The following ARHGEF3 variants were observed in gnomAD, a reference collection of about 807,000 sequenced individuals.
ARHGEF3 encodes the protein 59.8 kDA protein.
ARHGEF3 carries 28 observed loss-of-function variants against 63.2 expected under a neutral mutation model. The ratio of observed to expected loss-of-function variants is 0.44; its 90% CI spans 0.33 to 0.61. The LOEUF is 0.61. Among genes scored for constraint, ARHGEF3 ranks in the 20% least tolerant of loss-of-function variants. The pLI is 0.03. For synonymous variants in ARHGEF3, 266 were observed against 254.2 expected, an observed-to-expected ratio of 1.05 and a Z score of -0.44; for missense variants, 533 against 659.3, an observed-to-expected ratio of 0.81 and a Z score of 2.10.
intron 4 of ARHGEF3, among the ~76,000 whole-genome samples, chr3:56,832,779 A>T (rs958326415): frequency 1.3e-5 from 2 of 152,172 alleles, no homozygotes; most frequent in South Asian, 2.1e-4. Context: ...CCCTCCCCTC[A>T]GTGCCTGACA....
chr3:56,900,686 A>G (rs2041474383), intron 3 of ARHGEF3, among the ~76,000 whole-genome samples: 1 of 152,126 alleles, frequency 6.6e-6, no homozygotes, highest in Non-Finnish European at 1.5e-5. Flanking sequence ...CCATTTATAC[A>G]TTTTCTCCAG....
At chr3:56,873,553 T>C (rs2040498483) in intron 4 of ARHGEF3, among the ~76,000 whole-genome samples, 1 of 152,154 alleles carries the variant, frequency 6.6e-6, no homozygotes, top group Non-Finnish European at 1.5e-5. Context: ...GCAAAGGACA[T>C]GATCTCATTC....
intron 4 of ARHGEF3, among the ~76,000 whole-genome samples, chr3:56,832,829 C>T (rs1258828208): frequency 1.3e-5 from 2 of 152,200 alleles, no homozygotes; most frequent in Non-Finnish European, 2.9e-5. Flanking sequence ...CTTGCCTTTG[C>T]ATTTGCATAT....
intron 2 of ARHGEF3, among the ~76,000 whole-genome samples, chr3:57,004,752 G>A (rs1162998187): frequency 6.6e-6 from 1 of 152,190 alleles, no homozygotes; most frequent in Non-Finnish European, 1.5e-5. Flanking sequence ...GATTGCTTGA[G>A]GCAAGGAGTT....
At chr3:57,014,525 TCA>T (rs1702890622) in intron 2 of ARHGEF3, among the ~76,000 whole-genome samples, 1 of 152,002 alleles carries the variant, frequency 6.6e-6, no homozygotes, top group South Asian at 2.1e-4. Context: ...AGGAAATTTC[TCA>T]CAATACTCAC....
rs201200049 is a variant in ARHGEF3 at position 57,058,208 on chromosome 3, G to C, written c.-28+21018C>G. Among the ~76,000 whole-genome samples the C allele has an allele frequency of 9.6e-3, 1,364 of 142,736 alleles. 21 individuals are homozygous for C. The highest frequency in any genetic ancestry group is 0.033 in the African/African-American group (1,291 of 38,662). 93.6% of individuals were successfully genotyped at this position (142,736 alleles called of 152,430 possible). A position where few individuals can be genotyped will look rare whatever the true frequency, so the allele number is the denominator to read the frequency against. On this transcript the variant is annotated intron_variant, in intron 1 of 12. Transcript: ENST00000338458. Reference sequence around the variant, plus strand: ...TTACACAGAAAAATAAGGAATGCCTGGAAATTAGTATTACCACTTGCTCCC... The same window carrying C: ...TTACACAGAAAAATAAGGAATGCCTCGAAATTAGTATTACCACTTGCTCCC...
intron 1 of ARHGEF3, among the ~76,000 whole-genome samples, chr3:56,794,768 T>C (rs1382112940): frequency 6.6e-6 from 1 of 152,240 alleles, no homozygotes; most frequent in Admixed American, 6.5e-5. Context: ...TCCAATACAA[T>C]GTAAGTGATA....
chr3:56,777,844 G>A (rs2036359450), intron 1 of ARHGEF3, among the ~76,000 whole-genome samples: 1 of 152,194 alleles, frequency 6.6e-6, no homozygotes, highest in Non-Finnish European at 1.5e-5. Flanking sequence ...GCATTGCAGG[G>A]CAGTGTGGCT....
intron 3 of ARHGEF3, chr3:56,941,035 A>T (rs1244802840): frequency 6.6e-6 from 1 of 152,276 alleles, no homozygotes; most frequent in Admixed American, 6.5e-5. Flanking sequence ...GACCAATAAA[A>T]CTGCTAACCC....
intron 2 of ARHGEF3, 132 bp from the exon 3 acceptor site, chr3:56,755,283 T>C: frequency 1.2e-5 from 12 of 1,022,638 alleles, no homozygotes; most frequent in Non-Finnish European, 1.7e-5. Context: ...ACAAGGCCTT[T>C]GGGAAGTGGG....
At chr3:56,989,585 G>A (rs930780721) in intron 2 of ARHGEF3, among the ~76,000 whole-genome samples, 1 of 152,196 alleles carries the variant, frequency 6.6e-6, no homozygotes, top group African/African-American at 2.4e-5. Context: ...GGCGCTGGAT[G>A]GGTTGCTCTA....
chr3:56,999,564 G>C (rs1702112862), intron 2 of ARHGEF3, among the ~76,000 whole-genome samples: 1 of 152,180 alleles, frequency 6.6e-6, no homozygotes, highest in Admixed American at 6.5e-5. Context: ...CCAACAGTTT[G>C]GGAGGCCAAG....
At position 56,740,620 on chromosome 3, in the gene ARHGEF3, C is replaced by T. The variant is rs188832231; in HGVS notation, c.871-3265G>A. On this transcript the variant is annotated intron_variant, in intron 7 of 9. Coordinates refer to ENST00000296315, the MANE Select transcript of ARHGEF3 (RefSeq NM_019555.3). ...TTCAAAGAAATGAGAGGATTCCTGC[C>T]TTCAAGAAGCTTAAAACAAATGGGA... is the stretch of plus-strand genomic sequence containing the variant. Among the ~76,000 whole-genome samples the T allele has an allele frequency of 2.9e-3, 446 of 152,306 alleles. 5 individuals carry two copies. The highest frequency in any genetic ancestry group is 0.01 in the African/African-American group (432 of 41,570).
chr3:57,055,658 C>T (rs549098229), intron 1 of ARHGEF3, among the ~76,000 whole-genome samples: 1 of 152,244 alleles, frequency 6.6e-6, no homozygotes, highest in Admixed American at 6.5e-5. Context: ...GTCCTGTCAG[C>T]TATGACCACA....
intron 1 of ARHGEF3, among the ~76,000 whole-genome samples, chr3:57,063,659 A>C (rs1705363369): frequency 6.6e-6 from 1 of 152,206 alleles, no homozygotes; most frequent in African/African-American, 2.4e-5. Flanking sequence ...CCTAGAAGCC[A>C]GGTGAGACAA....
At chr3:56,749,172 C>T (rs571820452) in intron 6 of ARHGEF3, among the ~76,000 whole-genome samples, 3 of 152,188 alleles carry the variant, frequency 2.0e-5, no homozygotes, top group East Asian at 1.9e-4. Flanking sequence ...AACAACGGGC[C>T]AGTTGTTTAA....
intron 2 of ARHGEF3, among the ~76,000 whole-genome samples, chr3:56,997,467 G>C (rs1702038103): frequency 6.6e-6 from 1 of 152,194 alleles, no homozygotes; most frequent in African/African-American, 2.4e-5. Context: ...TGGGCAGAAA[G>C]AGATGCCAAA....
intron 1 of ARHGEF3, among the ~76,000 whole-genome samples, chr3:56,796,276 T>C (rs540184223): frequency 3.7e-4 from 57 of 152,326 alleles, no homozygotes; most frequent in Middle Eastern, 3.4e-3. Flanking sequence ...CTGTCCAGGA[T>C]TTTTACGGGC....
chr3:56,916,228 C>A, intron 3 of ARHGEF3: 1 of 1,491,792 alleles, frequency 6.7e-7, no homozygotes, highest in Non-Finnish European at 8.9e-7. Context: ...CCTCCCACAC[C>A]TCAGATCCTG....
Sources: gnomAD v4.1 joint callset for allele counts (sites outside exome capture counted in the v4.1 genomes callset) on GRCh38, gnomAD v4.1.1 for gene constraint, MANE v1.5 for transcripts, NCBI Gene and HGNC (gene_info 2026-07-23, HGNC 2026-07-21) for gene names.